The following RSF1 variants were observed in gnomAD, a reference collection of about 807,000 sequenced individuals.
RSF1 encodes remodeling and spacing factor 1.
A neutral mutation model predicts 145.2 loss-of-function variants in RSF1; 13 were observed. The ratio of observed to expected loss-of-function variants is 0.09; its 90% CI spans 0.06 to 0.14. The LOEUF is 0.14. Among genes scored for constraint, RSF1 ranks in the 10% least tolerant of loss-of-function variants. The probability of loss-of-function intolerance (pLI) is 1.00; values close to 1 mark genes in which losing one functional copy is unlikely to be tolerated. For missense variants in RSF1, 1,517 were observed against 1,718.2 expected, an observed-to-expected ratio of 0.88 and a Z score of 2.07; for synonymous variants, 577 against 592.6, an observed-to-expected ratio of 0.97 and a Z score of 0.38.
At chr11:77,722,400 TC>T in intron 5 of RSF1, among the ~76,000 whole-genome samples, 1 of 152,180 alleles carries the variant, frequency 6.6e-6, no homozygotes, top group Non-Finnish European at 1.5e-5. Flanking sequence ...CAAAATATGG[TC>T]CTCTAACCAG....
chr11:77,870,461 C>T, the RSF1 span, among the ~76,000 whole-genome samples: 15 of 150,958 alleles, frequency 9.9e-5, no homozygotes, highest in Non-Finnish European at 2.2e-4. Context: ...CTCAGCCTCC[C>T]GAGTAGCTGG....
intron 5 of RSF1, chr11:77,703,475 T>C (rs1396601583): frequency 6.6e-6 from 1 of 152,232 alleles, no homozygotes; most frequent in African/African-American, 2.4e-5. Context: ...AAAGTTTTAC[T>C]GAGACATAAA....
intron 6 of RSF1, among the ~76,000 whole-genome samples, chr11:77,700,179 C>T (rs1230202959): frequency 6.6e-6 from 1 of 151,588 alleles, no homozygotes; most frequent in Non-Finnish European, 1.5e-5. Flanking sequence ...GGCGAAAACC[C>T]ACCTCTATTA....
In RSF1 at chr11:77,702,042, T is replaced by C; in HGVS notation, c.1187A>G (p.Asp396Gly). The change falls in exon 6 of 16, where the codon GAC becomes GGC. Residue 396 changes from aspartate to glycine, a missense_variant. Around this residue, in one of 12 missense-constraint regions of RSF1, gnomAD observed 579 missense variants for 553.5 expected, o/e 1.05. Transcript: ENST00000308488. ...KREIKLSDDF[D>G]SPVKGPLCKS... is the part of the protein sequence containing the mutation. ...ACACAAAGGTCCCTTGACTGGACTG[T>C]CAAAATCATCACTCAGTTTAATTTC... 1.2e-6 allele frequency: 2 copies of C among 1,613,588 alleles called. No homozygotes were observed. Among genetic ancestry groups the C allele is most frequent in the Non-Finnish European group, 1.7e-6 (2 of 1,179,894 alleles).
chr11:77,854,099 T>C, the RSF1 span, among the ~76,000 whole-genome samples: 1 of 150,464 alleles, frequency 6.6e-6, no homozygotes, highest in Admixed American at 6.6e-5. Flanking sequence ...CACACCATTC[T>C]CCTGCCTCAG....
At chr11:77,823,031 C>T (rs1948992833), upstream of RSF1, among the ~76,000 whole-genome samples, 2 of 151,786 alleles carry the variant, frequency 1.3e-5, no homozygotes, top group African/African-American at 4.8e-5. Flanking sequence ...CTGGCTAACG[C>T]GGTGAAACCC....
intron 2 of RSF1, among the ~76,000 whole-genome samples, chr11:77,752,829 C>A: frequency 6.6e-6 from 1 of 152,064 alleles, no homozygotes; most frequent in East Asian, 1.9e-4. Flanking sequence ...GAAGTCGGCA[C>A]AAGATAAAGG....
chr11:77,837,754 A>G, the RSF1 span, among the ~76,000 whole-genome samples: 2 of 152,130 alleles, frequency 1.3e-5, no homozygotes, highest in African/African-American at 4.8e-5. Context: ...CTTATTTTTT[A>G]GATGGACATT....
rs1277712003 is a variant in RSF1 at position 77,685,088 on chromosome 11, A to G, written c.2955+17T>C. 4 of 1,469,328 alleles carry G rather than the reference A, an allele frequency of 2.7e-6. No individual in the cohort carries two copies. The South Asian group carries it at 4.2e-5, about 15-fold the overall frequency. The allele number at this position is 1,469,328 out of a possible 1,614,324, so 91.0% of individuals were successfully genotyped here. A position where few individuals can be genotyped will look rare whatever the true frequency, so the allele number is the denominator to read the frequency against. On this transcript the variant is annotated intron_variant, in intron 10 of 15. Coordinates refer to ENST00000308488, the MANE Select transcript of RSF1 (RefSeq NM_016578.4). The stretch of plus-strand genomic sequence containing the variant: ...TGACAATCTCCCATTTAAAAACATT[A>G]CAAATCAGAAACTTACTTGTGGAGG...
In RSF1 at chr11:77,667,297, C is replaced by G; in HGVS notation, c.3946G>C (p.Gly1316Arg). The change falls in exon 16 of 16, where the codon GGA becomes CGA. Residue 1316 changes from glycine (G) to arginine (R), a missense_variant. By Grantham distance (125) the Gly-to-Arg change is moderately radical. This residue lies in a region of RSF1 where 240 missense variants were observed against 231.8 expected (regional missense o/e 1.04). Transcript: ENST00000308488. ...DEEESCDNAHGDANQPARDSQ... is the reference protein window; with the variant it reads ...DEEESCDNAHRDANQPARDSQ... ...TCACGGGCAGGCTGATTTGCATCTC[C>G]ATGAGCATTGTCACAACTCTCCTCC... The G allele has an allele frequency of 1.2e-6, 2 of 1,614,188 alleles. No individual in the cohort carries two copies. Among genetic ancestry groups the G allele is most frequent in the Non-Finnish European group, 1.7e-6 (2 of 1,180,038 alleles).
chr11:77,759,480 T>G (rs1306976061), intron 2 of RSF1, among the ~76,000 whole-genome samples: 1 of 152,214 alleles, frequency 6.6e-6, no homozygotes, highest in Non-Finnish European at 1.5e-5. Context: ...AAGAGATCTC[T>G]CGAGACCATC....
chr11:77,840,267 G>T, the RSF1 span, among the ~76,000 whole-genome samples: 1 of 152,140 alleles, frequency 6.6e-6, no homozygotes, highest in South Asian at 2.1e-4. Flanking sequence ...AGTGGCTCAC[G>T]CCTGTAATCC....
At chr11:77,711,336 CTGATACCAT>C (rs1183233271) in intron 5 of RSF1, among the ~76,000 whole-genome samples, 6 of 152,108 alleles carry the variant, frequency 3.9e-5, no homozygotes, top group African/African-American at 1.4e-4. Context: ...AATAACAATA[CTGATACCAT>C]TACCAATGTC....
chr11:77,833,012 T>A, the RSF1 span, among the ~76,000 whole-genome samples: 1,264 of 130,852 alleles, frequency 9.7e-3, 65 homozygotes, highest in Non-Finnish European at 0.015. Flanking sequence ...TATATATATT[T>A]TTTTTTTTTT....
chr11:77,838,214 TA>T, the RSF1 span, among the ~76,000 whole-genome samples: 26,737 of 152,206 alleles, frequency 0.18, 2,819 homozygotes, highest in Non-Finnish European at 0.24. Context: ...TGACAAGATG[TA>T]GACTGTGACT....
chr11:77,771,096 A>G (rs888435048), intron 1 of RSF1, among the ~76,000 whole-genome samples: 3 of 152,194 alleles, frequency 2.0e-5, no homozygotes, highest in East Asian at 1.9e-4. Flanking sequence ...ATAAGGGGGG[A>G]AGAAAGAAAG....
intron 7 of RSF1, among the ~76,000 whole-genome samples, chr11:77,694,757 G>A (rs1451847075): frequency 6.6e-6 from 1 of 152,158 alleles, no homozygotes; most frequent in East Asian, 1.9e-4. Flanking sequence ...TTTGAATCTT[G>A]CAGGTCCCTT....
intron 1 of RSF1, among the ~76,000 whole-genome samples, chr11:77,792,590 A>G (rs547697560): frequency 2.5e-4 from 38 of 152,152 alleles, no homozygotes; most frequent in Non-Finnish European, 8.8e-5. Flanking sequence ...TAATAACCAG[A>G]CCCTAAGCTG....
At chr11:77,667,941 G>A (rs1959414582) in intron 15 of RSF1, among the ~76,000 whole-genome samples, 1 of 152,116 alleles carries the variant, frequency 6.6e-6, no homozygotes, top group Non-Finnish European at 1.5e-5. Flanking sequence ...CTGACCTTGT[G>A]ATCCATCTGC....
Sources: gnomAD v4.1 joint callset for allele counts (sites outside exome capture counted in the v4.1 genomes callset) on GRCh38, gnomAD v4.1.1 for gene constraint, gnomAD v4.1.1 regional missense constraint, MANE v1.5 for transcripts, NCBI Gene and HGNC (gene_info 2026-07-23, HGNC 2026-07-21) for gene names.